ITIH2: variants seen among roughly 807,000 people sequenced by gnomAD.
ITIH2 encodes the protein inter-alpha-trypsin inhibitor heavy chain 2.
ITIH2 carries 103 observed loss-of-function variants against 104.4 expected under a neutral mutation model. The observed-to-expected ratio is 0.99, with a 90% confidence interval of 0.84 to 1.16. The LOEUF is 1.16. Among genes scored for constraint, ITIH2 ranks in the 50% most tolerant of loss-of-function variants. The probability of loss-of-function intolerance (pLI) is 0.00; values close to 1 mark genes in which losing one functional copy is unlikely to be tolerated. For missense variants in ITIH2, 1,108 were observed against 1,162.4 expected, an observed-to-expected ratio of 0.95 and a Z score of 0.68; for synonymous variants, 436 against 435.4, an observed-to-expected ratio of 1.00 and a Z score of -0.02.
At chr10:7,705,560 T>C (rs965661257) in intron 2 of ITIH2, among the ~76,000 whole-genome samples, 2 of 151,830 alleles carry the variant, frequency 1.3e-5, no homozygotes, top group African/African-American at 4.8e-5. Context: ...CTAATATATA[T>C]ATTAGCTGGC....
Position 7,749,368 on chromosome 10 carries a change from A to G in ITIH2, c.*34A>G. 1 of 1,548,954 alleles carries G rather than the reference A, an allele frequency of 6.5e-7. No individual in the cohort carries two copies. The highest frequency in any genetic ancestry group is 8.9e-7 in the Non-Finnish European group (1 of 1,127,294). ...AGTTTGGGAAATTATATATATTAAT[A>G]TACATCTTTCCCCTGTCACTTTTGC... On this transcript the variant is annotated 3_prime_UTR_variant, in exon 21 of 21. Coordinates refer to ENST00000358415, the MANE Select transcript of ITIH2 (RefSeq NM_002216.3).
chr10:7,748,002 T>C (rs1448887419), intron 20 of ITIH2, among the ~76,000 whole-genome samples: 2 of 151,520 alleles, frequency 1.3e-5, no homozygotes, highest in Non-Finnish European at 2.9e-5. Flanking sequence ...GGTCAGGAGT[T>C]CAAGACCAAC....
At chr10:7,745,516 G>A (rs1160076591) in intron 19 of ITIH2, among the ~76,000 whole-genome samples, 1 of 152,060 alleles carries the variant, frequency 6.6e-6, no homozygotes, top group Non-Finnish European at 1.5e-5. Context: ...CACTTTAGGA[G>A]GCCTGGGCAG....
In ITIH2 at chr10:7,703,487, G is replaced by A; in HGVS notation, c.53G>A (p.Gly18Asp). Residue 18 changes from glycine to aspartate, a missense_variant, in exon 1 of 21, where the codon GGC becomes GAC. Coordinates refer to ENST00000358415, the MANE Select transcript of ITIH2 (RefSeq NM_002216.3). ...TGCTTCTTTCTTTCTGAAGTATCAGGCTTCGAAATCCCCATAAATGGACTT... is the reference window on the plus strand; with the variant it reads ...TGCTTCTTTCTTTCTGAAGTATCAGACTTCGAAATCCCCATAAATGGACTT... ...FICFFLSEVS[G>D]FEIPINGLSE... The A allele has an allele frequency of 1.9e-6, 3 of 1,613,514 alleles. No homozygotes were observed. Among genetic ancestry groups the A allele is most frequent in the South Asian group, 2.2e-5 (2 of 91,054 alleles).
intron 4 of ITIH2, 116 bp downstream of exon 4, chr10:7,709,307 C>G: frequency 1.1e-6 from 1 of 880,704 alleles, no homozygotes; most frequent in East Asian, 2.5e-5. Flanking sequence ...GGCTGGATGT[C>G]AAGGGTCATT....
At chr10:7,714,580 T>G (rs1024350065) in intron 5 of ITIH2, among the ~76,000 whole-genome samples, 1 of 152,168 alleles carries the variant, frequency 6.6e-6, no homozygotes, top group African/African-American at 2.4e-5. Context: ...ATTCATGCAT[T>G]TGTTCATTCA....
intron 4 of ITIH2, among the ~76,000 whole-genome samples, chr10:7,711,389 C>T (rs1439028195): frequency 6.6e-6 from 1 of 152,152 alleles, no homozygotes; most frequent in Non-Finnish European, 1.5e-5. Flanking sequence ...TTACTTTTAT[C>T]TCCCTCTGCT....
Position 7,734,949 on chromosome 10 carries a change from G to A in ITIH2, c.1815G>A (p.Lys605=). 1 of 1,613,372 alleles carries A rather than the reference G, an allele frequency of 6.2e-7. No homozygotes were observed. The highest frequency in any genetic ancestry group is 8.5e-7 in the Non-Finnish European group (1 of 1,179,986). Reference sequence around the variant, plus strand: ...GCCTGGCTCCTACAGCTGCCGCCAAGAGAAGAATTACAAGATCGATCCTGC... The same window carrying A: ...GCCTGGCTCCTACAGCTGCCGCCAAAAGAAGAATTACAAGATCGATCCTGC... ...ERSLAPTAAA[K]RRITRSILQM... The change falls in exon 15 of 21, where the codon AAG becomes AAA. Residue 605 remains lysine, a synonymous_variant. Coordinates refer to ENST00000358415, the MANE Select transcript of ITIH2 (RefSeq NM_002216.3).
Position 7,703,465 on chromosome 10 carries a change from T to C in ITIH2, c.31T>C (p.Phe11Leu), listed in dbSNP as rs776118079. The C allele has an allele frequency of 6.2e-7, 1 of 1,613,926 alleles. No individual in the cohort carries two copies. The highest frequency in any genetic ancestry group is 1.3e-5 in the African/African-American group (1 of 74,946). Residue 11 changes from phenylalanine to leucine, a missense_variant, in exon 1 of 21, where the codon TTC becomes CTC. Phe to Leu is a conservative substitution (Grantham distance 22). Coordinates refer to ENST00000358415, the MANE Select transcript of ITIH2 (RefSeq NM_002216.3). ...AAGACTCACGTGCTTTTTCATCTGCTTCTTTCTTTCTGAAGTATCAGGCTT... is the reference window on the plus strand; with the variant it reads ...AAGACTCACGTGCTTTTTCATCTGCCTCTTTCTTTCTGAAGTATCAGGCTT... The part of the protein sequence containing the change: MKRLTCFFIC[F>L]FLSEVSGFEI...
Position 7,738,638 on chromosome 10 carries a change from A to G in ITIH2, c.1975A>G (p.Ser659Gly), listed in dbSNP as rs546297388. ...CTACGCAGGGGCCCTGTATTACGGC[A>G]GCAAAGTGGTTCCAGATTCCACCCC... is the stretch of plus-strand genomic sequence containing the variant. The part of the protein sequence containing the change: ...SCCSGALYYG[S>G]KVVPDSTPSW... The change falls in exon 16 of 21, where the codon AGC (serine) becomes GGC (glycine). Residue 659 changes from serine to glycine, a missense_variant. By Grantham distance (56) the Ser-to-Gly change is moderately conservative. Transcript: ENST00000358415. 1.2e-6 allele frequency: 2 copies of G among 1,613,992 alleles called. No homozygotes were observed. The highest frequency in any genetic ancestry group is 1.1e-5 in the South Asian group (1 of 91,090).
At chr10:7,733,865 C>T (rs1330926480) in intron 14 of ITIH2, among the ~76,000 whole-genome samples, 2 of 151,624 alleles carry the variant, frequency 1.3e-5, no homozygotes, top group African/African-American at 4.8e-5. Context: ...AGAGAAAATC[C>T]CTGATGTCAA....
At chr10:7,727,911 A>G in intron 11 of ITIH2, 83 bp downstream of exon 11, 1 of 1,477,636 alleles carries the variant, frequency 6.8e-7, no homozygotes, top group Admixed American at 1.8e-5. Context: ...GGGGAACTCT[A>G]ATGGCATTTG....
At chr10:7,728,893 T>C (rs930115055) in intron 11 of ITIH2, among the ~76,000 whole-genome samples, 1 of 152,168 alleles carries the variant, frequency 6.6e-6, no homozygotes, top group African/African-American at 2.4e-5. Flanking sequence ...ATCTTATTAA[T>C]AACGAGACTA....
At position 7,726,277 on chromosome 10, in the gene ITIH2, T is replaced by G. The variant is rs541013101; in HGVS notation, c.985-673T>G. Among the ~76,000 whole-genome samples, 3 of 152,298 alleles carry G rather than the reference T, an allele frequency of 2.0e-5. No homozygotes were observed. In the East Asian group the frequency reaches 5.8e-4, roughly 29 times the overall value. Reference sequence around the variant, plus strand: ...AGAAGGGTGAGAAATAACATGTTTTTGTTGATGGAAATGTACCAATAGAAT... The same window carrying G: ...AGAAGGGTGAGAAATAACATGTTTTGGTTGATGGAAATGTACCAATAGAAT... On this transcript the variant is annotated intron_variant, in intron 9 of 20. Coordinates refer to ENST00000358415, the MANE Select transcript of ITIH2 (RefSeq NM_002216.3).
intron 4 of ITIH2, among the ~76,000 whole-genome samples, chr10:7,711,366 GTGAAACA>G (rs1317915352): frequency 6.6e-6 from 1 of 152,128 alleles, no homozygotes; most frequent in Non-Finnish European, 1.5e-5. Context: ...GGACAGAATC[GTGAAACA>G]TGCATTTACT....
intron 6 of ITIH2, among the ~76,000 whole-genome samples, chr10:7,719,864 G>C (rs1235754151): frequency 6.7e-6 from 1 of 148,650 alleles, no homozygotes; most frequent in Non-Finnish European, 1.5e-5. Flanking sequence ...TTATAAGAGA[G>C]AGCTGAATAA....
chr10:7,711,061 C>T (rs1834792809), intron 4 of ITIH2, among the ~76,000 whole-genome samples: 1 of 152,074 alleles, frequency 6.6e-6, no homozygotes, highest in Non-Finnish European at 1.5e-5. Flanking sequence ...CATGCGTTAG[C>T]TGTTTGTCCT....
chr10:7,724,047 G>A (rs1834930422), intron 9 of ITIH2, among the ~76,000 whole-genome samples: 1 of 152,146 alleles, frequency 6.6e-6, no homozygotes, highest in Admixed American at 6.5e-5. Context: ...TTGCTTGAGA[G>A]CAGCTATCCA....
chr10:7,738,245 TATA>T (rs374476649), intron 15 of ITIH2, among the ~76,000 whole-genome samples: 3 of 112,558 alleles, frequency 2.7e-5, no homozygotes, highest in African/African-American at 6.9e-5. Flanking sequence ...TTATATTCTA[TATA>T]ATATTATATA....
Sources: allele counts gnomAD v4.1 joint callset (sites outside exome capture counted in the v4.1 genomes callset), GRCh38; gene constraint gnomAD v4.1.1; transcripts MANE v1.5; gene names NCBI Gene and HGNC (gene_info 2026-07-23, HGNC 2026-07-21).